Variants in DSCAM observed in about 807,000 individuals in gnomAD.
The protein encoded by DSCAM is DS cell adhesion molecule, also known as cell adhesion molecule DSCAM.
In DSCAM, 47 loss-of-function variants were observed where a neutral mutation model predicts 217.7. The observed-to-expected ratio is 0.22, with a 90% CI of 0.17 to 0.28. DSCAM has a LOEUF of 0.28. Among genes scored for constraint, DSCAM ranks in the 10% least tolerant of loss-of-function variants. The probability of loss-of-function intolerance (pLI) is 1.00; values close to 1 mark genes in which losing one functional copy is unlikely to be tolerated. For missense variants in DSCAM, 2,080 were observed against 2,618.3 expected, an observed-to-expected ratio of 0.79 and a Z score of 4.49; for synonymous variants, 1,056 against 1,015.3, an observed-to-expected ratio of 1.04 and a Z score of -0.76.
intron 3 of DSCAM, among the ~76,000 whole-genome samples, chr21:40,475,112 A>T (rs2075922617): frequency 6.6e-6 from 1 of 152,072 alleles, no homozygotes; most frequent in South Asian, 2.1e-4. Flanking sequence ...AAGATGCTCC[A>T]CCCTCCTCCT....
rs569868470 is a variant in DSCAM, at chr21:40,562,608, C to T, written c.508+130202G>A. 3.9e-4 allele frequency among the ~76,000 whole-genome samples: 59 copies of T among 152,288 alleles called. 1 individual carries two copies. The highest frequency in any genetic ancestry group is 6.3e-4 in the Non-Finnish European group (43 of 68,020). On this transcript the variant is annotated intron_variant, in intron 3 of 32. Transcript: ENST00000400454. ...ATCTCTTCCTGAACTGATTTTTCTA[C>T]TACCTCTGAAAATAACAGCTCATTA...
chr21:40,662,123 A>AAAAAC (rs1491132214), intron 3 of DSCAM, among the ~76,000 whole-genome samples: 6 of 25,986 alleles, frequency 2.3e-4, no homozygotes, highest in East Asian at 0.024. Flanking sequence ...TTACGTTGTT[A>AAAAAC]AAACAAACAA....
intron 3 of DSCAM, among the ~76,000 whole-genome samples, chr21:40,421,942 CTG>C (rs1306173469): frequency 1.3e-5 from 2 of 152,200 alleles, no homozygotes; most frequent in African/African-American, 2.4e-5. Flanking sequence ...CTAAGACAAA[CTG>C]AGAATGAGGA....
At chr21:40,432,162 A>C (rs2075539525) in intron 3 of DSCAM, among the ~76,000 whole-genome samples, 1 of 152,150 alleles carries the variant, frequency 6.6e-6, no homozygotes, top group Non-Finnish European at 1.5e-5. Flanking sequence ...GTGCCATTGC[A>C]CTTCAGTCCG....
chr21:40,700,512 G>A (rs533781241), intron 2 of DSCAM, among the ~76,000 whole-genome samples: 32 of 152,074 alleles, frequency 2.1e-4, no homozygotes, highest in Non-Finnish European at 4.4e-4. Flanking sequence ...ATGAATATAA[G>A]CCTTTGTGGT....
intron 3 of DSCAM, among the ~76,000 whole-genome samples, chr21:40,448,776 A>G (rs2075695805): frequency 1.3e-5 from 2 of 152,168 alleles, no homozygotes; most frequent in Admixed American, 1.3e-4. Flanking sequence ...CAAAAATATA[A>G]TTATGAGAGT....
At chr21:40,333,012 C>T (rs1000407698) in intron 8 of DSCAM, among the ~76,000 whole-genome samples, 3 of 152,124 alleles carry the variant, frequency 2.0e-5, no homozygotes, top group Non-Finnish European at 2.9e-5. Context: ...GCATTATTGC[C>T]GGGATCAAGT....
intron 3 of DSCAM, among the ~76,000 whole-genome samples, chr21:40,644,397 GGT>G (rs2089918897): frequency 6.6e-6 from 1 of 152,166 alleles, no homozygotes; most frequent in South Asian, 2.1e-4. Context: ...TAGGGTTTAG[GGT>G]AACCAAGGGT....
rs746140819 is a variant in DSCAM at position 40,012,903 on chromosome 21, T to TTC, written c.*129_*130dup. The TTC allele has an allele frequency of 4.6e-3, 2,784 of 611,038 alleles. 11 individuals are homozygous for TTC. Among genetic ancestry groups the TTC allele is most frequent in the Non-Finnish European group, 5.8e-3 (2,510 of 430,626 alleles). The allele number at this position is 611,038 out of a possible 1,614,324, so 37.9% of individuals were successfully genotyped here. On this transcript the variant is annotated 3_prime_UTR_variant, in exon 33 of 33. Transcript: ENST00000400454. ...TTGCACTGTCTGTGGTTTCAGTATTTTCTCTTTTTTTTTTTTAATATATTT... is the reference window on the plus strand; with the variant it reads ...TTGCACTGTCTGTGGTTTCAGTATTTTCTCTCTTTTTTTTTTTTAATATATTT...
chr21:40,726,097 A>T (rs1475485613), intron 1 of DSCAM, among the ~76,000 whole-genome samples: 1 of 152,202 alleles, frequency 6.6e-6, no homozygotes, highest in African/African-American at 2.4e-5. Flanking sequence ...TTAAAGCAGA[A>T]AGAAGGCTCC....
chr21:40,670,184 A>G (rs2090255408), intron 3 of DSCAM, among the ~76,000 whole-genome samples: 1 of 152,248 alleles, frequency 6.6e-6, no homozygotes, highest in Non-Finnish European at 1.5e-5. Context: ...AAGTACATGT[A>G]ACATAAAACT....
chr21:40,072,433 G>A lies in DSCAM; in HGVS notation c.4888+2604C>T, dbSNP rs1160616602. On this transcript the variant is annotated intron_variant, in intron 27 of 32. Transcript: ENST00000400454. The stretch of plus-strand genomic sequence containing the variant: ...GGGATCTCGGCTCACTGCAAGCTCC[G>A]CCTCCCAGGTTCAAGCGATTCTCCT... Among the ~76,000 whole-genome samples the A allele has an allele frequency of 5.3e-5, 8 of 150,284 alleles. No individual in the cohort carries two copies. The East Asian group carries it at 6.0e-4, about 11-fold the overall frequency.
intron 3 of DSCAM, among the ~76,000 whole-genome samples, chr21:40,534,176 T>C (rs896331210): frequency 6.6e-6 from 1 of 152,160 alleles, no homozygotes; most frequent in African/African-American, 2.4e-5. Context: ...GTATGTGAAA[T>C]TTTTTTATGA....
intron 11 of DSCAM, among the ~76,000 whole-genome samples, chr21:40,219,913 T>C (rs1076567): frequency 0.013 from 1,963 of 152,366 alleles, 24 homozygotes; most frequent in Middle Eastern, 0.024. Flanking sequence ...TTTTTGAATA[T>C]GTTTGGTGCA....
intron 3 of DSCAM, among the ~76,000 whole-genome samples, chr21:40,471,631 C>T (rs988550632): frequency 5.3e-5 from 8 of 152,088 alleles, no homozygotes; most frequent in South Asian, 2.1e-4. Context: ...CCCAAGGACA[C>T]GCAGCTGGAA....
At chr21:40,377,472 A>T (rs62223805) in intron 3 of DSCAM, among the ~76,000 whole-genome samples, 1,891 of 152,176 alleles carry the variant, frequency 0.012, 17 homozygotes, top group South Asian at 0.027. Flanking sequence ...GGAGAAGAAG[A>T]TGCCAGGTAT....
intron 30 of DSCAM, among the ~76,000 whole-genome samples, chr21:40,048,686 CGAT>C (rs1373028363): frequency 2.0e-5 from 3 of 152,180 alleles, no homozygotes; most frequent in Non-Finnish European, 4.4e-5. Context: ...AATAGAATCA[CGAT>C]GTGTTCTCTA....
At chr21:40,554,384 C>T (rs2076654557) in intron 3 of DSCAM, among the ~76,000 whole-genome samples, 1 of 152,126 alleles carries the variant, frequency 6.6e-6, no homozygotes, top group South Asian at 2.1e-4. Context: ...AAATACTTGT[C>T]TCTGACTAGG....
chr21:40,814,779 G>A (rs1039173822), intron 1 of DSCAM, among the ~76,000 whole-genome samples: 3 of 152,178 alleles, frequency 2.0e-5, no homozygotes, highest in African/African-American at 7.2e-5. Flanking sequence ...AGGCAAGTAG[G>A]TAATCCAGTT....
Sources: allele counts gnomAD v4.1 joint callset (sites outside exome capture counted in the v4.1 genomes callset), GRCh38; gene constraint gnomAD v4.1.1; transcripts MANE v1.5; gene names NCBI Gene and HGNC (gene_info 2026-07-23, HGNC 2026-07-21).